BMPR1B: variants seen among roughly 807,000 people sequenced by gnomAD.
BMPR1B encodes the protein bone morphogenetic protein receptor type-1B.
Under a neutral mutation model 59.1 loss-of-function variants are expected in BMPR1B, and 12 were observed. That is an observed-to-expected ratio of 0.20 (90% confidence interval 0.13 to 0.33). The LOEUF (loss-of-function observed/expected upper bound fraction) is 0.33. Ranked by LOEUF, BMPR1B falls within the 10% of genes least tolerant of loss-of-function variation. The pLI, the probability that BMPR1B is intolerant of heterozygous loss-of-function variation, is 1.00. For synonymous variants in BMPR1B, 237 were observed against 207.3 expected (o/e 1.14, Z -1.23); for missense variants, 550 against 610.9 (o/e 0.90, Z 1.05).
intron 3 of BMPR1B, among the ~76,000 whole-genome samples, chr4:95,076,037 A>C (rs1051670638): frequency 6.6e-6 from 1 of 152,172 alleles, no homozygotes; most frequent in East Asian, 1.9e-4. Context: ...AAATACTAAA[A>C]TGTACAGAAG....
At chr4:95,153,070 A>G (rs953976377) in intron 12 of BMPR1B, among the ~76,000 whole-genome samples, 8 of 152,068 alleles carry the variant, frequency 5.3e-5, no homozygotes, top group Non-Finnish European at 7.4e-5. Context: ...CATAAAACCT[A>G]TTATTTCTCT....
chr4:94,920,456 C>T (rs1046724130), intron 2 of BMPR1B, among the ~76,000 whole-genome samples: 5 of 152,136 alleles, frequency 3.3e-5, no homozygotes, highest in Non-Finnish European at 7.3e-5. Flanking sequence ...GCTCCCCACA[C>T]GTCAAATTTC....
At chr4:94,968,474 T>G (rs931489462) in intron 2 of BMPR1B, among the ~76,000 whole-genome samples, 3 of 152,212 alleles carry the variant, frequency 2.0e-5, no homozygotes, top group Admixed American at 6.5e-5. Flanking sequence ...TATTTAACAA[T>G]TAGTCTATCA....
chr4:94,932,077 G>A (rs11097448), intron 2 of BMPR1B, among the ~76,000 whole-genome samples: 2 of 152,050 alleles, frequency 1.3e-5, no homozygotes, highest in African/African-American at 2.4e-5. Flanking sequence ...TTGGCCAAAG[G>A]CTGTTCCAAA....
chr4:94,931,935 A>G (rs1729108631), intron 2 of BMPR1B, among the ~76,000 whole-genome samples: 1 of 152,040 alleles, frequency 6.6e-6, no homozygotes, highest in African/African-American at 2.4e-5. Context: ...GGATGGCGAG[A>G]AGCAGAAGTT....
intron 10 of BMPR1B, among the ~76,000 whole-genome samples, chr4:95,134,313 A>T (rs766739060): frequency 2.8e-4 from 43 of 152,188 alleles, no homozygotes; most frequent in Non-Finnish European, 5.3e-4. Context: ...TGCTATTGTG[A>T]ATAGTGCCAC....
chr4:95,137,568 A>T (rs1733893262), intron 10 of BMPR1B, among the ~76,000 whole-genome samples: 1 of 151,814 alleles, frequency 6.6e-6, no homozygotes, highest in Admixed American at 6.6e-5. Flanking sequence ...GTCTCTAAGG[A>T]CTCGCTTTAT....
intron 2 of BMPR1B, among the ~76,000 whole-genome samples, chr4:94,931,779 A>G (rs776960766): frequency 2.4e-4 from 37 of 152,108 alleles, no homozygotes; most frequent in Non-Finnish European, 1.9e-4. Context: ...ATGCTTAAAA[A>G]TGCTGGGCAA....
chr4:95,008,686 A>T (rs910329257), intron 3 of BMPR1B, among the ~76,000 whole-genome samples: 1 of 152,174 alleles, frequency 6.6e-6, no homozygotes, highest in African/African-American at 2.4e-5. Flanking sequence ...TGAAAAATCA[A>T]AACTGTGTTC....
At chr4:94,997,345 G>A (rs573935540) in intron 3 of BMPR1B, among the ~76,000 whole-genome samples, 175 of 152,274 alleles carry the variant, frequency 1.1e-3, no homozygotes, top group African/African-American at 4.1e-3. Flanking sequence ...CACAGATTTT[G>A]TGTTAGGGCT....
At chr4:95,048,155 A>G (rs1726179613) in intron 3 of BMPR1B, among the ~76,000 whole-genome samples, 3 of 152,112 alleles carry the variant, frequency 2.0e-5, no homozygotes, top group South Asian at 2.1e-4. Context: ...GTAGTATTCC[A>G]TGGTGTATAT....
intron 2 of BMPR1B, among the ~76,000 whole-genome samples, chr4:94,889,889 CT>C (rs1727321575): frequency 6.6e-6 from 1 of 151,872 alleles, no homozygotes; most frequent in Non-Finnish European, 1.5e-5. Context: ...TTGTCTGTAG[CT>C]TTTTTTGCCC....
intron 2 of BMPR1B, among the ~76,000 whole-genome samples, chr4:94,979,806 T>G (rs138436774): frequency 1.0e-3 from 152 of 152,350 alleles, no homozygotes; most frequent in African/African-American, 3.5e-3. Flanking sequence ...TTGGCTAATC[T>G]TCTGTCACTA....
intron 2 of BMPR1B, among the ~76,000 whole-genome samples, chr4:94,882,141 T>C (rs973297793): frequency 1.3e-5 from 2 of 152,162 alleles, no homozygotes; most frequent in African/African-American, 4.8e-5. Flanking sequence ...TTTTTCTTTT[T>C]TTTTCCATGG....
intron 2 of BMPR1B, among the ~76,000 whole-genome samples, chr4:94,993,022 C>T (rs902247430): frequency 2.0e-5 from 3 of 152,134 alleles, no homozygotes; most frequent in African/African-American, 7.2e-5. Flanking sequence ...CTGGTGTGTG[C>T]CACCACACCT....
At chr4:95,052,153 T>C (rs1015155958) in intron 3 of BMPR1B, among the ~76,000 whole-genome samples, 2 of 152,228 alleles carry the variant, frequency 1.3e-5, no homozygotes, top group Non-Finnish European at 2.9e-5. Context: ...TAGATTTTTA[T>C]AGGTTAGCTA....
chr4:94,931,678 C>T (rs141186593), intron 2 of BMPR1B, among the ~76,000 whole-genome samples: 47 of 151,912 alleles, frequency 3.1e-4, no homozygotes, highest in Admixed American at 2.6e-4. Context: ...TAAGAAAACC[C>T]GTGAAAATAG....
intron 3 of BMPR1B, among the ~76,000 whole-genome samples, chr4:95,026,464 A>G (rs1021607954): frequency 2.2e-4 from 33 of 152,098 alleles, no homozygotes; most frequent in Non-Finnish European, 7.4e-5. Context: ...CATTCTCTGT[A>G]TAATTACTAG....
chr4:95,134,692 T>G (rs2149306348), intron 10 of BMPR1B, among the ~76,000 whole-genome samples: 1 of 152,354 alleles, frequency 6.6e-6, no homozygotes, highest in African/African-American at 2.4e-5. Context: ...GTTCATATCC[T>G]TCGCCCACTT....
Sources: gnomAD v4.1 joint callset for allele counts (sites outside exome capture counted in the v4.1 genomes callset) on GRCh38, gnomAD v4.1.1 for gene constraint, MANE v1.5 for transcripts, NCBI Gene and HGNC (gene_info 2026-07-23, HGNC 2026-07-21) for gene names.